ADGB: variants seen among roughly 807,000 people sequenced by gnomAD.
ADGB encodes calpain-7-like protein.
A neutral mutation model predicts 210.5 loss-of-function variants in ADGB; 172 were observed. That is an observed-to-expected ratio of 0.82 (90% confidence interval 0.72 to 0.93). ADGB has a LOEUF of 0.93. Among genes scored for constraint, ADGB ranks in the 40% least tolerant of loss-of-function variants. The probability of loss-of-function intolerance (pLI) is 0.00; values close to 1 mark genes in which losing one functional copy is unlikely to be tolerated. For missense variants in ADGB, 2,025 were observed against 1,964.8 expected (o/e 1.03, Z -0.58); for synonymous variants, 658 against 662.7 (o/e 0.99, Z 0.11).
At chr6:146,788,928 C>G (rs890530434) in intron 33 of ADGB, among the ~76,000 whole-genome samples, 6 of 152,170 alleles carry the variant, frequency 3.9e-5, no homozygotes, top group Non-Finnish European at 8.8e-5. Flanking sequence ...TCGTTAAACA[C>G]AGATTTTTTT....
At chr6:146,798,191 AAAG>A (rs1168440853) in intron 33 of ADGB, among the ~76,000 whole-genome samples, 97 of 152,336 alleles carry the variant, frequency 6.4e-4, no homozygotes, top group African/African-American at 2.1e-3. Flanking sequence ...CTTCAGGCTG[AAAG>A]AAGGTGACAT....
chr6:146,633,630 A>G (rs1246634192), intron 1 of ADGB, among the ~76,000 whole-genome samples: 2 of 152,210 alleles, frequency 1.3e-5, no homozygotes, highest in African/African-American at 4.8e-5. Context: ...ATGGATAGTC[A>G]CATAGCTTGA....
At chr6:146,695,267 A>G (rs1304594097) in intron 12 of ADGB, among the ~76,000 whole-genome samples, 1 of 152,118 alleles carries the variant, frequency 6.6e-6, no homozygotes, top group Non-Finnish European at 1.5e-5. Context: ...TGCTTCCAAT[A>G]GCCTTCCCTT....
At chr6:146,625,037 T>A (rs1032198963) in intron 1 of ADGB, among the ~76,000 whole-genome samples, 1 of 152,058 alleles carries the variant, frequency 6.6e-6, no homozygotes, top group Admixed American at 6.6e-5. Context: ...AGAATGTGTA[T>A]TCTGTTGTGA....
At chr6:146,659,782 G>A (rs745954680) in intron 5 of ADGB, among the ~76,000 whole-genome samples, 1 of 152,038 alleles carries the variant, frequency 6.6e-6, no homozygotes, top group Non-Finnish European at 1.5e-5. Flanking sequence ...ATATCATCTC[G>A]TCAAGTGCCT....
At chr6:146,623,134 G>C (rs1780920736) in intron 1 of ADGB, among the ~76,000 whole-genome samples, 1 of 151,724 alleles carries the variant, frequency 6.6e-6, no homozygotes, top group African/African-American at 2.4e-5. Context: ...TGTTTCTCCT[G>C]TTACAAAGTT....
At position 146,669,629 on chromosome 6, in the gene ADGB, CCTT is replaced by C. The variant is rs1462332337; in HGVS notation, c.840-2587_840-2585del. Among the ~76,000 whole-genome samples, 11 of 152,178 alleles carry C rather than the reference CCTT, an allele frequency of 7.2e-5. No homozygotes were observed. The South Asian group carries it at 1.2e-3, about 17-fold the overall frequency. On this transcript the variant is annotated intron_variant, in intron 7 of 35. Coordinates refer to ENST00000397944, the MANE Select transcript of ADGB (RefSeq NM_024694.4). ...AGCAACACACTCTCTGGGTTTTTCT[CCTT>C]CTTATTTTCTGCTCTTTCTCAGGCT...
intron 33 of ADGB, 44 bp downstream of exon 33, chr6:146,788,654 TA>T: frequency 6.6e-7 from 1 of 1,511,150 alleles, no homozygotes; most frequent in Non-Finnish European, 9.0e-7. Flanking sequence ...TATTTTCAAA[TA>T]AAAATTATGG....
Position 146,656,863 on chromosome 6 carries a change from A to T in ADGB, c.495A>T (p.Glu165Asp). 1 of 1,551,056 alleles carries T rather than the reference A, an allele frequency of 6.4e-7. No individual in the cohort carries two copies. The highest frequency in any genetic ancestry group is 8.7e-7 in the Non-Finnish European group (1 of 1,146,382). The change falls in exon 5 of 36, where the codon GAA becomes GAT. Residue 165 changes from glutamate (E) to aspartate (D), a missense_variant. Glu to Asp is a conservative substitution (Grantham distance 45, BLOSUM62 2). Coordinates refer to ENST00000397944, the MANE Select transcript of ADGB (RefSeq NM_024694.4). Reference protein sequence around the residue: ...LSNYFKGTSGEPPLLPWKPWE... With the variant: ...LSNYFKGTSGDPPLLPWKPWE... Reference sequence around the variant, plus strand: ...ATTATTTTAAGGGGACTTCAGGGGAACCTCCTCTTCTCCCCTGGAAGCCCT... The same window carrying T: ...ATTATTTTAAGGGGACTTCAGGGGATCCTCCTCTTCTCCCCTGGAAGCCCT...
intron 2 of ADGB, among the ~76,000 whole-genome samples, chr6:146,641,803 T>C (rs1414813934): frequency 6.6e-6 from 1 of 151,900 alleles, no homozygotes; most frequent in Non-Finnish European, 1.5e-5. Flanking sequence ...ATAAAAACCC[T>C]GAAAAACAAC....
chr6:146,664,149 G>GA (rs1372732279), intron 5 of ADGB, 52 bp from the exon 6 acceptor site: 29 of 1,467,612 alleles, frequency 2.0e-5, no homozygotes, highest in Non-Finnish European at 2.5e-5. Context: ...ATTTACGAGA[G>GA]AAAAGACTGT....
intron 35 of ADGB, chr6:146,803,833 T>G: frequency 2.9e-6 from 1 of 348,818 alleles, no homozygotes; most frequent in Non-Finnish European, 5.2e-6. Context: ...TCAGGGCCAT[T>G]CAAACGCGGC....
intron 13 of ADGB, among the ~76,000 whole-genome samples, chr6:146,708,458 T>C (rs1197069567): frequency 1.3e-5 from 2 of 152,138 alleles, no homozygotes; most frequent in Non-Finnish European, 2.9e-5. Flanking sequence ...TTATCTCCAC[T>C]TCAGTTTTGA....
At chr6:146,718,065 T>G (rs1017651651) in intron 16 of ADGB, among the ~76,000 whole-genome samples, 1 of 152,088 alleles carries the variant, frequency 6.6e-6, no homozygotes, top group Non-Finnish European at 1.5e-5. Flanking sequence ...TGCCTAGAAA[T>G]CCTTCAGAAT....
chr6:146,787,662 GCCACC>G (rs1279626405), intron 32 of ADGB, among the ~76,000 whole-genome samples: 1 of 47,008 alleles, frequency 2.1e-5, no homozygotes. Context: ...CTTTCCTATT[GCCACC>G]TTTCTTATTT....
chr6:146,659,250 T>A (rs1276592362), intron 5 of ADGB, among the ~76,000 whole-genome samples: 2 of 152,186 alleles, frequency 1.3e-5, no homozygotes, highest in African/African-American at 4.8e-5. Flanking sequence ...CTGCAAGTAT[T>A]TGGGAAACAT....
At chr6:146,639,904 T>C (rs1303533971) in intron 2 of ADGB, 6 of 151,722 alleles carry the variant, frequency 4.0e-5, no homozygotes, top group Non-Finnish European at 7.4e-5. Context: ...AGACGAGAAA[T>C]AATGAAAATT....
In ADGB at chr6:146,736,493, T is replaced by A. The variant is rs934919649; in HGVS notation, c.2795-5T>A. The A allele has an allele frequency of 1.3e-6, 2 of 1,506,016 alleles. No individual in the cohort carries two copies. The highest frequency in any genetic ancestry group is 4.9e-5 in the East Asian group (2 of 40,430). 93.3% of individuals were successfully genotyped at this position (1,506,016 alleles called of 1,614,324 possible). On this transcript the variant is annotated splice_polypyrimidine_tract_variant and splice_region_variant and intron_variant, in intron 22 of 35. Coordinates refer to ENST00000397944, the MANE Select transcript of ADGB (RefSeq NM_024694.4). Reference sequence around the variant, plus strand: ...AACGTTTTTATTATTTATTATTATTTTTAGACACAAAAGAAAATATCAGTG... The same window carrying A: ...AACGTTTTTATTATTTATTATTATTATTAGACACAAAAGAAAATATCAGTG...
At chr6:146,599,723 T>A (rs886819791) in intron 1 of ADGB, among the ~76,000 whole-genome samples, 1 of 152,224 alleles carries the variant, frequency 6.6e-6, no homozygotes, top group African/African-American at 2.4e-5. Flanking sequence ...TGGGCTGGTG[T>A]TAGGTGTTGT....
Sources: allele counts gnomAD v4.1 joint callset (sites outside exome capture counted in the v4.1 genomes callset), GRCh38; gene constraint gnomAD v4.1.1; transcripts MANE v1.5; gene names NCBI Gene and HGNC (gene_info 2026-07-23, HGNC 2026-07-21).